The following XKR4 variants were observed in gnomAD, a reference collection of about 807,000 sequenced individuals.
The protein encoded by XKR4 is XK related 4.
XKR4 carries 12 observed loss-of-function variants against 53.9 expected under a neutral mutation model. The observed-to-expected ratio is 0.22, with a 90% CI of 0.14 to 0.36. The LOEUF (loss-of-function observed/expected upper bound fraction) is 0.36, where lower values mean the gene tolerates loss of function less well. Among genes scored for constraint, XKR4 ranks in the 10% least tolerant of loss-of-function variants. XKR4 has a pLI of 1.00. For synonymous variants in XKR4, 354 were observed against 362.4 expected (o/e 0.98, Z 0.26); for missense variants, 799 against 859.5 (o/e 0.93, Z 0.88).
At chr8:55,221,150 TG>T (rs1817876057) in intron 1 of XKR4, among the ~76,000 whole-genome samples, 1 of 152,338 alleles carries the variant, frequency 6.6e-6, no homozygotes, top group Admixed American at 6.5e-5. Context: ...CCAGCCCTGC[TG>T]GTTGGAGTAG....
chr8:55,289,840 G>T (rs1818990312), intron 1 of XKR4, among the ~76,000 whole-genome samples: 1 of 95,314 alleles, frequency 1.0e-5, no homozygotes, highest in African/African-American at 3.6e-5. Context: ...GGAAGGAAGA[G>T]AAAGAAAGAA....
In XKR4 at chr8:55,527,708, A is replaced by T. The variant is rs1045341668; in HGVS notation, c.*3481A>T. 5.3e-5 allele frequency: 8 copies of T among 152,192 alleles called. No homozygotes were observed. The highest frequency in any genetic ancestry group is 8.8e-5 in the Non-Finnish European group (6 of 68,028). The allele number at this position is 152,192 out of a possible 1,614,324, so 9.4% of individuals were successfully genotyped here. A position where few individuals can be genotyped will look rare whatever the true frequency, so the allele number is the denominator to read the frequency against. On this transcript the variant is annotated 3_prime_UTR_variant, in exon 3 of 3. Coordinates refer to ENST00000327381, the MANE Select transcript of XKR4 (RefSeq NM_052898.2). ...CTTAGTTACTACTCATTTGTGATAA[A>T]CGCTGTTAACCCAACAAATATAATA...
chr8:55,106,696 T>A (rs1369337762), intron 1 of XKR4, among the ~76,000 whole-genome samples: 3 of 152,194 alleles, frequency 2.0e-5, no homozygotes, highest in African/African-American at 7.2e-5. Context: ...TTCTCCTATG[T>A]ATGTATGTAC....
chr8:55,408,031 C>G (rs143977822), intron 2 of XKR4, among the ~76,000 whole-genome samples: 370 of 152,312 alleles, frequency 2.4e-3, no homozygotes, highest in Non-Finnish European at 3.7e-3. Flanking sequence ...CTTTTCTTGT[C>G]AGTGAGTGAA....
At chr8:55,186,810 A>G (rs1817384796) in intron 1 of XKR4, among the ~76,000 whole-genome samples, 1 of 152,170 alleles carries the variant, frequency 6.6e-6, no homozygotes, top group Admixed American at 6.5e-5. Context: ...GGAAAATATG[A>G]TCCCCCAGAT....
intron 2 of XKR4, chr8:55,452,287 T>C (rs961342549): frequency 3.1e-6 from 2 of 649,316 alleles, no homozygotes; most frequent in Non-Finnish European, 2.8e-6. Flanking sequence ...TGGATGCTGA[T>C]GCATTTCTCC....
chr8:55,410,768 C>T (rs1195599537), intron 2 of XKR4, among the ~76,000 whole-genome samples: 1 of 152,198 alleles, frequency 6.6e-6, no homozygotes, highest in Non-Finnish European at 1.5e-5. Context: ...TGACACTCTT[C>T]TCTAAAATTT....
At chr8:55,181,893 G>T (rs1346017773) in intron 1 of XKR4, among the ~76,000 whole-genome samples, 1 of 151,716 alleles carries the variant, frequency 6.6e-6, no homozygotes, top group South Asian at 2.1e-4. Context: ...TGAATTAATT[G>T]CTCCCTTATC....
chr8:55,288,148 G>A (rs774202035), intron 1 of XKR4, among the ~76,000 whole-genome samples: 42 of 152,146 alleles, frequency 2.8e-4, no homozygotes, highest in Non-Finnish European at 4.0e-4. Flanking sequence ...CCAAAAGATT[G>A]GATACCCCTA....
rs186792518 is a variant in XKR4, at chr8:55,217,100, G to A, written c.806+113806G>A. On this transcript the variant is annotated intron_variant, in intron 1 of 2. Coordinates refer to ENST00000327381, the MANE Select transcript of XKR4 (RefSeq NM_052898.2). ...TATTGAAAATACAAAAACTTAGCCG[G>A]GCGTGGTGGCGGGCACCTGTAGTCC... Among the ~76,000 whole-genome samples, 596 of 151,946 alleles carry A rather than the reference G, an allele frequency of 3.9e-3. 6 individuals are homozygous for A. The highest frequency in any genetic ancestry group is 0.014 in the African/African-American group (560 of 41,420).
At chr8:55,216,622 G>C (rs1817803068) in intron 1 of XKR4, among the ~76,000 whole-genome samples, 1 of 151,840 alleles carries the variant, frequency 6.6e-6, no homozygotes, top group African/African-American at 2.4e-5. Flanking sequence ...AGCTACTCGG[G>C]AGGCTGAGGC....
intron 1 of XKR4, among the ~76,000 whole-genome samples, chr8:55,251,112 TACA>T (rs1215872480): frequency 5.5e-4 from 84 of 152,328 alleles, no homozygotes; most frequent in African/African-American, 1.9e-3. Flanking sequence ...TAGACGTAAG[TACA>T]GTTACAGGTG....
chr8:55,413,092 T>A (rs1804798679), intron 2 of XKR4, among the ~76,000 whole-genome samples: 1 of 152,262 alleles, frequency 6.6e-6, no homozygotes, highest in Admixed American at 6.5e-5. Context: ...TGTGTCCAGT[T>A]ACTAATATTT....
At chr8:55,336,041 C>CAAAAAAAAAAAAA (rs34885296) in intron 1 of XKR4, among the ~76,000 whole-genome samples, 5 of 113,692 alleles carry the variant, frequency 4.4e-5, no homozygotes, top group East Asian at 2.7e-4. Flanking sequence ...AACTCTATAC[C>CAAAAAAAAAAAAA]AAAAAAAAAA....
chr8:55,282,910 T>C (rs539766817), intron 1 of XKR4, among the ~76,000 whole-genome samples: 87 of 152,362 alleles, frequency 5.7e-4, no homozygotes, highest in African/African-American at 2.0e-3. Flanking sequence ...ACTATGAATG[T>C]ATGATATATA....
intron 1 of XKR4, among the ~76,000 whole-genome samples, chr8:55,306,186 A>G (rs1381633638): frequency 2.0e-5 from 3 of 152,212 alleles, no homozygotes; most frequent in Non-Finnish European, 4.4e-5. Flanking sequence ...GATAAACTGA[A>G]CATGGTTTAT....
intron 1 of XKR4, among the ~76,000 whole-genome samples, chr8:55,192,679 A>G (rs755702645): frequency 6.6e-6 from 1 of 152,182 alleles, no homozygotes; most frequent in Non-Finnish European, 1.5e-5. Flanking sequence ...GTGCACATGT[A>G]AAATAAAGCA....
At chr8:55,480,014 C>A (rs1412796562) in intron 2 of XKR4, among the ~76,000 whole-genome samples, 1 of 141,976 alleles carries the variant, frequency 7.0e-6, no homozygotes, top group Admixed American at 6.8e-5. Context: ...CTATTCCAAT[C>A]AATAGAAAAA....
At chr8:55,233,294 C>T (rs1818070370) in intron 1 of XKR4, among the ~76,000 whole-genome samples, 1 of 152,180 alleles carries the variant, frequency 6.6e-6, no homozygotes, top group Non-Finnish European at 1.5e-5. Context: ...TAAAATTTAT[C>T]TATACTCCTC....
Sources: allele counts gnomAD v4.1 joint callset (sites outside exome capture counted in the v4.1 genomes callset), GRCh38; gene constraint gnomAD v4.1.1; transcripts MANE v1.5; gene names NCBI Gene and HGNC (gene_info 2026-07-23, HGNC 2026-07-21).